The following DYNC2H1 variants were observed in gnomAD, a reference collection of about 807,000 sequenced individuals.
DYNC2H1 encodes dynein cytoplasmic 2 heavy chain 1.
In DYNC2H1, 410 loss-of-function variants were observed where a neutral mutation model predicts 570.0. That is an observed-to-expected ratio of 0.72 (90% CI 0.66 to 0.78). The LOEUF (loss-of-function observed/expected upper bound fraction) is 0.78. DYNC2H1 is among the 30% of genes least tolerant of loss of function. The pLI is 0.00. For synonymous variants in DYNC2H1, 1,688 were observed against 1,677.6 expected, an observed-to-expected ratio of 1.01 and a Z score of -0.15; for missense variants, 4,865 against 5,046.4, an observed-to-expected ratio of 0.96 and a Z score of 1.09.
At chr11:103,112,094 A>G (rs926257973) in intron 1 of DYNC2H1, among the ~76,000 whole-genome samples, 1 of 152,148 alleles carries the variant, frequency 6.6e-6, no homozygotes, top group Admixed American at 6.5e-5. Flanking sequence ...CCCTCTCTGG[A>G]TTAGTTATCT....
chr11:103,221,582 G>A (rs532402317), intron 57 of DYNC2H1, among the ~76,000 whole-genome samples: 2 of 152,238 alleles, frequency 1.3e-5, no homozygotes, highest in East Asian at 1.9e-4. Flanking sequence ...TCTACGAAAA[G>A]TCGATAATAC....
intron 84 of DYNC2H1, among the ~76,000 whole-genome samples, chr11:103,414,653 CTCCTTAAGCTAA>C (rs1025807706): frequency 6.6e-5 from 10 of 152,146 alleles, no homozygotes; most frequent in Non-Finnish European, 1.5e-5. Flanking sequence ...AGCCCAGAAA[CTCCTTAAGCTAA>C]TAAGTAACTT....
intron 83 of DYNC2H1, among the ~76,000 whole-genome samples, chr11:103,385,071 T>A (rs1941817400): frequency 6.6e-6 from 1 of 152,152 alleles, no homozygotes; most frequent in Non-Finnish European, 1.5e-5. Flanking sequence ...CTATCTTTTC[T>A]TGCTGCTTTT....
rs567026370 is a variant in DYNC2H1 at position 103,198,178 on chromosome 11, G to T, written c.7839+115G>T. 19 of 1,213,650 alleles carry T rather than the reference G, an allele frequency of 1.6e-5. No homozygotes were observed. In the African/African-American group the frequency reaches 2.8e-4, roughly 18 times the overall value. 75.2% of individuals were successfully genotyped at this position (1,213,650 alleles called of 1,614,324 possible). A position where few individuals can be genotyped will look rare whatever the true frequency, so the allele number is the denominator to read the frequency against. On this transcript the variant is annotated intron_variant, in intron 48 of 88. Transcript: ENST00000375735. ...GATAGATTGTAGAATAGGCAAAGCT[G>T]GTTCTTATCTTTTGGAATTTAGTCC... is the stretch of plus-strand genomic sequence containing the variant.
At position 103,465,678 on chromosome 11, in the gene DYNC2H1, T is replaced by G. The variant is rs941762196; in HGVS notation, c.12649-2911T>G. Among the ~76,000 whole-genome samples, 5 of 152,146 alleles carry G rather than the reference T, an allele frequency of 3.3e-5. No individual in the cohort carries two copies. The highest frequency in any genetic ancestry group is 1.2e-4 in the African/African-American group (5 of 41,434). The stretch of plus-strand genomic sequence containing the variant: ...CCTCATTCATATATATGGCAACTGG[T>G]GCTAGCTCAGTCCTTCACATGCCCT... On this transcript the variant is annotated intron_variant, in intron 87 of 88. Transcript: ENST00000375735. This position sits in a 1 kb window ranked among gnomAD's most constrained non-coding sequence, Gnocchi z 4.9.
At chr11:103,284,997 T>C (rs1866289421) in intron 73 of DYNC2H1, among the ~76,000 whole-genome samples, 1 of 152,180 alleles carries the variant, frequency 6.6e-6, no homozygotes, top group Admixed American at 6.5e-5. Flanking sequence ...GAACGTGGAA[T>C]AGAAATTTGT....
intron 83 of DYNC2H1, among the ~76,000 whole-genome samples, chr11:103,366,337 C>T (rs1018053734): frequency 6.6e-6 from 1 of 152,010 alleles, no homozygotes; most frequent in Non-Finnish European, 1.5e-5. Context: ...AAGTTAAAGT[C>T]TTTGTGGTCT....
chr11:103,339,773 A>G (rs1939349553), intron 82 of DYNC2H1, among the ~76,000 whole-genome samples: 1 of 152,184 alleles, frequency 6.6e-6, no homozygotes, highest in Admixed American at 6.5e-5. Context: ...CTGCCACTCA[A>G]ATTTATTAGA....
At chr11:103,109,838 G>T (rs2134668747) in intron 1 of DYNC2H1, 69 bp downstream of exon 1, 2 of 1,481,416 alleles carry the variant, frequency 1.4e-6, no homozygotes, top group South Asian at 2.6e-5. Context: ...CCAGAGGGAC[G>T]TCGGGTCACA....
At chr11:103,229,886 A>G (rs569526183) in intron 59 of DYNC2H1, among the ~76,000 whole-genome samples, 14 of 152,322 alleles carry the variant, frequency 9.2e-5, no homozygotes, top group African/African-American at 3.1e-4. Context: ...TAGACTAGAA[A>G]TAGTTTTAGC....
Position 103,358,280 on chromosome 11 carries a change from C to T in DYNC2H1, c.12077C>T (p.Thr4026Ile), listed in dbSNP as rs1286227984. The change falls in exon 83 of 89, where the codon ACA (threonine) becomes ATA (isoleucine). Residue 4026 changes from threonine to isoleucine, a missense_variant. This residue lies in a region of DYNC2H1 where 2,401 missense variants were observed against 2,454.6 expected (regional missense o/e 0.98). Coordinates refer to ENST00000375735, the MANE Select transcript of DYNC2H1 (RefSeq NM_001377.3). ...SQLRILGRSI[T>I]AGSKFDREIW... ...TTGAGGATTTTGGGCAGATCCATAA[C>T]AGCTGGTTCCAAATTTGATAGAGAA... The T allele has an allele frequency of 1.9e-6, 3 of 1,590,866 alleles. No individual in the cohort carries two copies. Among genetic ancestry groups the T allele is most frequent in the Non-Finnish European group, 2.6e-6 (3 of 1,167,298 alleles).
At chr11:103,284,315 C>A (rs1408138694) in intron 73 of DYNC2H1, among the ~76,000 whole-genome samples, 1 of 152,104 alleles carries the variant, frequency 6.6e-6, no homozygotes, top group East Asian at 1.9e-4. Context: ...TCTCTTTTCG[C>A]CTATTGCTTC....
At chr11:103,377,819 C>G (rs1415159607) in intron 83 of DYNC2H1, among the ~76,000 whole-genome samples, 3 of 152,208 alleles carry the variant, frequency 2.0e-5, no homozygotes, top group Non-Finnish European at 4.4e-5. Context: ...TCATTATATC[C>G]TCCACCTCCC....
intron 83 of DYNC2H1, among the ~76,000 whole-genome samples, chr11:103,386,675 A>G (rs957860928): frequency 2.6e-5 from 4 of 151,804 alleles, no homozygotes; most frequent in African/African-American, 7.3e-5. Context: ...AACAGGCCCC[A>G]GTGTGTGATG....
chr11:103,211,453 G>T (rs1372275355), intron 53 of DYNC2H1, among the ~76,000 whole-genome samples: 2 of 151,878 alleles, frequency 1.3e-5, no homozygotes, highest in Admixed American at 1.3e-4. Flanking sequence ...GCTCACTTTT[G>T]GATTACTGTA....
intron 84 of DYNC2H1, among the ~76,000 whole-genome samples, chr11:103,416,315 T>C (rs1793506): frequency 0.51 from 77,140 of 151,796 alleles, 19,867 homozygotes; most frequent in African/African-American, 0.6. Context: ...TAATTAATAA[T>C]AAAAAAGAAA....
chr11:103,251,371 A>G (rs911748624), intron 65 of DYNC2H1, among the ~76,000 whole-genome samples: 1 of 151,384 alleles, frequency 6.6e-6, no homozygotes, highest in Middle Eastern at 3.4e-3. Context: ...ATACTTTGCC[A>G]TTCTTTAACT....
intron 70 of DYNC2H1, among the ~76,000 whole-genome samples, chr11:103,271,543 A>AT (rs776241786): frequency 6.6e-5 from 10 of 152,296 alleles, no homozygotes; most frequent in African/African-American, 2.4e-4. Context: ...AATTACTTAG[A>AT]TTTTTTACTG....
chr11:103,443,471 G>C (rs1035116349), intron 85 of DYNC2H1, among the ~76,000 whole-genome samples: 3 of 151,794 alleles, frequency 2.0e-5, no homozygotes, highest in African/African-American at 7.2e-5. Flanking sequence ...AGACTATTGA[G>C]TGTTTGGCTT....
Sources: allele counts gnomAD v4.1 joint callset (sites outside exome capture counted in the v4.1 genomes callset), GRCh38; gene constraint gnomAD v4.1.1; regional missense constraint gnomAD v4.1.1; non-coding constraint Gnocchi (gnomAD v3.1); transcripts MANE v1.5; gene names NCBI Gene and HGNC (gene_info 2026-07-23, HGNC 2026-07-21).